The following FXYD2 variants were observed in gnomAD, a reference collection of about 807,000 sequenced individuals.
FXYD2 encodes sodium/potassium-transporting ATPase subunit gamma.
In FXYD2, 8 loss-of-function variants were observed where a neutral mutation model predicts 11.8. The observed-to-expected ratio is 0.68, with a 90% confidence interval of 0.40 to 1.22. The LOEUF is 1.22. Ranked by LOEUF, FXYD2 falls within the 50% of genes most tolerant of loss-of-function variation. FXYD2 has a pLI of 0.01. For synonymous variants in FXYD2, 42 were observed against 33.3 expected (o/e 1.26, Z -0.90); for missense variants, 92 against 91.8 (o/e 1.00, Z -0.01).
upstream of FXYD2, chr11:117,824,753 C>T (rs1369279612): frequency 6.3e-7 from 1 of 1,593,350 alleles, no homozygotes; most frequent in African/African-American, 1.3e-5. This position sits in a 1 kb window ranked among gnomAD's most constrained non-coding sequence, Gnocchi z 4.0. Context: ...CTGGCTGCCT[C>T]CACGGGGTGG....
chr11:117,820,799 C>T lies in FXYD2; in HGVS notation c.176+60G>A, dbSNP rs1452282278. On this transcript the variant is annotated intron_variant, in intron 4 of 5. Transcript: ENST00000292079. ...TCCACTGTGTCAGAGACAAAATCCT[C>T]AGCCCGCCCCTCCTTCTCCAGCCCC... is the stretch of plus-strand genomic sequence containing the variant. 5 of 1,613,680 alleles carry T rather than the reference C, an allele frequency of 3.1e-6. No homozygotes were observed. In the African/African-American group the frequency reaches 4.0e-5, roughly 13 times the overall value.
Position 117,822,190 on chromosome 11 carries a change from C to T in FXYD2, c.139+216G>A. The stretch of plus-strand genomic sequence containing the variant: ...TCTCACTTCTGCGGCTCCTCCCGGG[C>T]CCACTGGAGGGTGCACTTGAGCAAG... On this transcript the variant is annotated intron_variant, in intron 3 of 5. Coordinates refer to ENST00000292079, the MANE Select transcript of FXYD2 (RefSeq NM_001680.5). The surrounding 1 kb of genome is among the most constrained non-coding windows in gnomAD (Gnocchi z 4.7). 1 of 1,443,854 alleles carries T rather than the reference C, an allele frequency of 6.9e-7. No individual in the cohort carries two copies. The allele number at this position is 1,443,854 out of a possible 1,614,324, so 89.4% of individuals were successfully genotyped here. A position where few individuals can be genotyped will look rare whatever the true frequency, so the allele number is the denominator to read the frequency against.
chr11:117,825,701 C>T (rs1467445773), upstream of FXYD2, among the ~76,000 whole-genome samples: 1 of 152,126 alleles, frequency 6.6e-6, no homozygotes, highest in East Asian at 1.9e-4. Context: ...GGCAGCCTCC[C>T]CACTCCGCTG....
At position 117,822,245 on chromosome 11, in the gene FXYD2, C is replaced by G; in HGVS notation, c.139+161G>C. On this transcript the variant is annotated intron_variant, in intron 3 of 5. Transcript: ENST00000292079. This position sits in a 1 kb window ranked among gnomAD's most constrained non-coding sequence, Gnocchi z 4.7. ...AACCTCACACTGTGCTCCCAGCGAG[C>G]CTGGCACCCCACCGGGCACCCATTC... is the stretch of plus-strand genomic sequence containing the variant. 5.3e-6 allele frequency: 8 copies of G among 1,514,508 alleles called. No individual in the cohort carries two copies. The highest frequency in any genetic ancestry group is 7.1e-6 in the Non-Finnish European group (8 of 1,131,378). 93.8% of individuals were successfully genotyped at this position (1,514,508 alleles called of 1,614,324 possible). A position where few individuals can be genotyped will look rare whatever the true frequency, so the allele number is the denominator to read the frequency against.
chr11:117,822,143 C>A lies in FXYD2; in HGVS notation c.139+263G>T. The A allele has an allele frequency of 7.2e-7, 1 of 1,394,442 alleles. No individual in the cohort carries two copies. The highest frequency in any genetic ancestry group is 1.5e-5 in the South Asian group (1 of 66,122). The allele number at this position is 1,394,442 out of a possible 1,614,324, so 86.4% of individuals were successfully genotyped here. On this transcript the variant is annotated intron_variant, in intron 3 of 5. Coordinates refer to ENST00000292079, the MANE Select transcript of FXYD2 (RefSeq NM_001680.5). The surrounding 1 kb of genome is among the most constrained non-coding windows in gnomAD (Gnocchi z 4.7). The stretch of plus-strand genomic sequence containing the variant: ...GTCCCCCTGTCTGGCCCTCCGGTTA[C>A]CCAGTTACCCCGTGGGTTTGCTCTC...
chr11:117,825,851 G>A (rs972107985), upstream of FXYD2, among the ~76,000 whole-genome samples: 5 of 152,166 alleles, frequency 3.3e-5, no homozygotes, highest in Admixed American at 1.3e-4. Context: ...AGTGGCCAGC[G>A]GACAGCAGGG....
chr11:117,822,841 G>A lies in FXYD2; in HGVS notation c.26-124C>T, dbSNP rs2055942928. 2 of 1,325,612 alleles carry A rather than the reference G, an allele frequency of 1.5e-6. No homozygotes were observed. The highest frequency in any genetic ancestry group is 2.1e-6 in the Non-Finnish European group (2 of 954,114). 82.1% of individuals were successfully genotyped at this position (1,325,612 alleles called of 1,614,324 possible). ...CGAGGGTCCAAGCAGGCGAGGGGAG[G>A]CTGGGAGCAGGGGTGTTGCTAAAAC... On this transcript the variant is annotated intron_variant, in intron 1 of 5. Coordinates refer to ENST00000292079, the MANE Select transcript of FXYD2 (RefSeq NM_001680.5). The surrounding 1 kb of genome is among the most constrained non-coding windows in gnomAD (Gnocchi z 4.7).
At chr11:117,827,873 C>T (rs2056077369), upstream of FXYD2, 1 of 756,868 alleles carries the variant, frequency 1.3e-6, no homozygotes, top group South Asian at 1.5e-5. Flanking sequence ...GGAAATTCTG[C>T]CTCTCTTCCT....
chr11:117,821,392 G>A, intron 3 of FXYD2: 2 of 987,016 alleles, frequency 2.0e-6, no homozygotes, highest in Non-Finnish European at 2.4e-6. Flanking sequence ...TGGACCATAG[G>A]CATTTAAGAA....
upstream of FXYD2, chr11:117,827,957 C>T: frequency 7.4e-7 from 1 of 1,357,746 alleles, no homozygotes; most frequent in Non-Finnish European, 1.0e-6. Flanking sequence ...TGTGTTAGAG[C>T]CTGAGCAGGG....
intron 3 of FXYD2, chr11:117,821,585 C>A (rs965207610): frequency 1.0e-6 from 1 of 986,010 alleles, no homozygotes; most frequent in Non-Finnish European, 1.2e-6. Context: ...CCACCTGCCT[C>A]CTGTGCCTAT....
At position 117,824,422 on chromosome 11, in the gene FXYD2, C is replaced by T; in HGVS notation, c.25+232G>A. On this transcript the variant is annotated intron_variant, in intron 1 of 5. Transcript: ENST00000292079. The surrounding 1 kb of genome is among the most constrained non-coding windows in gnomAD (Gnocchi z 4.0). ...GGAGGAACGCTCAGCTCTCCAGCTT[C>T]TATCTGCTGCCTTTCTGCCACTCAA... 1.6e-6 allele frequency: 1 copy of T among 622,224 alleles called. No homozygotes were observed. Among genetic ancestry groups the T allele is most frequent in the Non-Finnish European group, 2.9e-6 (1 of 344,814 alleles). The allele number at this position is 622,224 out of a possible 1,614,324, so 38.5% of individuals were successfully genotyped here. A position where few individuals can be genotyped will look rare whatever the true frequency, so the allele number is the denominator to read the frequency against.
intron 5 of FXYD2, 33 bp from the exon 6 acceptor site, chr11:117,820,405 G>A: frequency 3.6e-6 from 2 of 554,236 alleles, no homozygotes; most frequent in Non-Finnish European, 6.4e-6. Flanking sequence ...GGGTTGGGTG[G>A]GAGGCAGCAG....
upstream of FXYD2, chr11:117,827,970 G>T: frequency 6.9e-7 from 1 of 1,439,250 alleles, no homozygotes; most frequent in Non-Finnish European, 9.6e-7. Flanking sequence ...GAGCAGGGAG[G>T]AGGAATGGGG....
rs2055917791 is a variant in FXYD2 at position 117,822,023 on chromosome 11, A to G, written c.139+383T>C. On this transcript the variant is annotated intron_variant, in intron 3 of 5. Coordinates refer to ENST00000292079, the MANE Select transcript of FXYD2 (RefSeq NM_001680.5). This position sits in a 1 kb window ranked among gnomAD's most constrained non-coding sequence, Gnocchi z 4.7. ...TTCTCAGAGCGCTGTCCTGACTGCC[A>G]TGTCTTTGGATGCTAGCCCTAATCT... is the stretch of plus-strand genomic sequence containing the variant. 9.2e-6 allele frequency: 11 copies of G among 1,195,862 alleles called. No individual in the cohort carries two copies. In the Admixed American group the frequency reaches 3.0e-4, roughly 32 times the overall value. The allele number at this position is 1,195,862 out of a possible 1,614,324, so 74.1% of individuals were successfully genotyped here. A position where few individuals can be genotyped will look rare whatever the true frequency, so the allele number is the denominator to read the frequency against.
Position 117,820,695 on chromosome 11 carries a change from G to T in FXYD2, c.178C>A (p.Gln60Lys). Residue 60 changes from glutamine to lysine, a missense_variant and splice_region_variant, in exon 5 of 6, where the codon CAA (glutamine) becomes AAA (lysine). By Grantham distance (53) the Gln-to-Lys change is moderately conservative. Coordinates refer to ENST00000292079, the MANE Select transcript of FXYD2 (RefSeq NM_001680.5). ...FRCGGNKKRR[Q>K]INEDEP ...TGTTACGGCTCATCTTCATTGATTT[G>T]CCTGGTGGGGGAAGGAAAAGCAACA... 2 of 1,613,920 alleles carry T rather than the reference G, an allele frequency of 1.2e-6. No homozygotes were observed.
In FXYD2 at chr11:117,820,365, C is replaced by T. The variant is rs1327009893; in HGVS notation, c.*14G>A. On this transcript the variant is annotated 3_prime_UTR_variant, in exon 6 of 6. Coordinates refer to ENST00000292079, the MANE Select transcript of FXYD2 (RefSeq NM_001680.5). ...CTGGCCCCAGTGCAGTGGGTGGCAC[C>T]GCCGAGGCTGAGAAGACAAAGGCAG... The T allele has an allele frequency of 2.1e-6, 1 of 479,946 alleles. No homozygotes were observed. Among genetic ancestry groups the T allele is most frequent in the South Asian group, 3.1e-5 (1 of 31,818 alleles). The allele number at this position is 479,946 out of a possible 1,614,324, so 29.7% of individuals were successfully genotyped here. A position where few individuals can be genotyped will look rare whatever the true frequency, so the allele number is the denominator to read the frequency against.
chr11:117,824,630 G>C lies in FXYD2; in HGVS notation c.25+24C>G, dbSNP rs369874877. 1 of 1,603,358 alleles carries C rather than the reference G, an allele frequency of 6.2e-7. No homozygotes were observed. Among genetic ancestry groups the C allele is most frequent in the African/African-American group, 1.3e-5 (1 of 74,686 alleles). On this transcript the variant is annotated intron_variant, in intron 1 of 5. Coordinates refer to ENST00000292079, the MANE Select transcript of FXYD2 (RefSeq NM_001680.5). This position sits in a 1 kb window ranked among gnomAD's most constrained non-coding sequence, Gnocchi z 4.0. ...GAGCCACCCAGCATTGCACACGCCC[G>C]GGCACGCACACCAGCACACTCACCA...
intron 3 of FXYD2, chr11:117,821,890 A>C: frequency 9.9e-7 from 1 of 1,008,330 alleles, no homozygotes; most frequent in Non-Finnish European, 1.2e-6. Context: ...GGTTGGACCA[A>C]AACAAGTCAA....
Sources: allele counts gnomAD v4.1 joint callset (sites outside exome capture counted in the v4.1 genomes callset), GRCh38; gene constraint gnomAD v4.1.1; non-coding constraint Gnocchi (gnomAD v3.1); transcripts MANE v1.5; gene names NCBI Gene and HGNC (gene_info 2026-07-23, HGNC 2026-07-21).